CDYL2: variants seen among roughly 807,000 people sequenced by gnomAD.
CDYL2 encodes the protein chromodomain Y-like protein 2.
CDYL2 carries 23 observed loss-of-function variants against 49.4 expected under a neutral mutation model. That is an observed-to-expected ratio of 0.47 (90% CI 0.34 to 0.66). CDYL2 has a LOEUF of 0.66. Among genes scored for constraint, CDYL2 ranks in the 30% least tolerant of loss-of-function variants. The pLI is 0.01. For synonymous variants in CDYL2, 360 were observed against 268.8 expected (o/e 1.34, Z -3.32); for missense variants, 678 against 656.4 (o/e 1.03, Z -0.36).
intron 4 of CDYL2, among the ~76,000 whole-genome samples, chr16:80,614,289 C>G (rs1232031585): frequency 6.6e-6 from 1 of 152,210 alleles, no homozygotes; most frequent in Non-Finnish European, 1.5e-5. Context: ...GGCCAAGTCA[C>G]CAAGTGCTGG....
intron 1 of CDYL2, among the ~76,000 whole-genome samples, chr16:80,758,879 T>C (rs940734082): frequency 5.3e-5 from 8 of 151,752 alleles, no homozygotes; most frequent in Non-Finnish European, 1.0e-4. Flanking sequence ...AAATCAGAAA[T>C]ATTCTAAAAT....
chr16:80,656,368 CA>C (rs1908811570), intron 2 of CDYL2, among the ~76,000 whole-genome samples: 1 of 152,232 alleles, frequency 6.6e-6, no homozygotes, highest in Non-Finnish European at 1.5e-5. Context: ...CTGCTGAGCC[CA>C]AAAGCCAGGG....
At chr16:80,723,971 G>A (rs190340746) in intron 1 of CDYL2, among the ~76,000 whole-genome samples, 1 of 141,952 alleles carries the variant, frequency 7.0e-6, no homozygotes, top group East Asian at 2.0e-4. Flanking sequence ...AAAGAGGAGG[G>A]AGAGAGAGGA....
chr16:80,772,668 G>A (rs1353291784), intron 1 of CDYL2, among the ~76,000 whole-genome samples: 1 of 151,968 alleles, frequency 6.6e-6, no homozygotes, highest in African/African-American at 2.4e-5. Context: ...AGCCAGGATG[G>A]TCTCAATCTC....
intron 1 of CDYL2, among the ~76,000 whole-genome samples, chr16:80,746,221 G>T (rs1176585216): frequency 2.0e-5 from 3 of 152,136 alleles, no homozygotes. Flanking sequence ...AATGATGGGG[G>T]ACTAAAATCC....
At position 80,685,025 on chromosome 16, in the gene CDYL2, G is replaced by C; in HGVS notation, c.129C>G (p.His43Gln). The change falls in exon 2 of 7, where the codon CAC becomes CAG. Residue 43 changes from histidine to glutamine, a missense_variant. By Grantham distance (24) the His-to-Gln change is conservative. Around this residue, in one of 3 missense-constraint regions of CDYL2, gnomAD observed 478 missense variants for 427.0 expected, o/e 1.12. Transcript: ENST00000570137. Reference sequence around the variant, plus strand: ...TAAACTCCTCACAGTGCAAGAGGTGGTGCTCCGGCTCCCACGTGTCCTCGG... The same window carrying C: ...TAAACTCCTCACAGTGCAAGAGGTGCTGCTCCGGCTCCCACGTGTCCTCGG... ...GSTEDTWEPE[H>Q]HLLHCEEFID... 1.2e-6 allele frequency: 2 copies of C among 1,614,158 alleles called. No individual in the cohort carries two copies. The highest frequency in any genetic ancestry group is 1.7e-6 in the Non-Finnish European group (2 of 1,180,026).
At chr16:80,748,480 G>C (rs1259181719) in intron 1 of CDYL2, among the ~76,000 whole-genome samples, 1 of 108,846 alleles carries the variant, frequency 9.2e-6, no homozygotes, top group Non-Finnish European at 1.7e-5. Context: ...CTGCCCTCCA[G>C]CCTGGGCGAC....
chr16:80,605,346 A>G (rs1906282023), intron 6 of CDYL2, among the ~76,000 whole-genome samples: 1 of 148,330 alleles, frequency 6.7e-6, no homozygotes. Flanking sequence ...ACTATAATAT[A>G]TACATATTAT....
intron 1 of CDYL2, among the ~76,000 whole-genome samples, chr16:80,685,377 A>C (rs566726908): frequency 6.6e-6 from 1 of 152,314 alleles, no homozygotes; most frequent in South Asian, 2.1e-4. Flanking sequence ...GCTAGATGAC[A>C]CGCCCAGCTG....
In CDYL2 at chr16:80,620,787, C is replaced by G. The variant is rs142002683; in HGVS notation, c.983G>C (p.Ser328Thr). ...GRLSSDRRKESTRIAEAIRDF... is the reference protein window; with the variant it reads ...GRLSSDRRKETTRIAEAIRDF... ...CCTGATGGCTTCTGCAATCCGAGTGCTCTCCTTTCGCCGGTCGCTGGACAA... is the reference window on the plus strand; with the variant it reads ...CCTGATGGCTTCTGCAATCCGAGTGGTCTCCTTTCGCCGGTCGCTGGACAA... The change falls in exon 4 of 7, where the codon AGC becomes ACC. Residue 328 changes from serine (S) to threonine (T), a missense_variant. By Grantham distance (58) the Ser-to-Thr change is moderately conservative. This residue lies in a region of CDYL2 where 478 missense variants were observed against 427.0 expected (regional missense o/e 1.12). Transcript: ENST00000570137. The G allele has an allele frequency of 3.7e-6, 6 of 1,608,202 alleles. No homozygotes were observed. Among genetic ancestry groups the G allele is most frequent in the Admixed American group, 3.4e-5 (2 of 59,596 alleles).
At position 80,630,315 on chromosome 16, in the gene CDYL2, G is replaced by A. The variant is rs117530553; in HGVS notation, c.834+2704C>T. Among the ~76,000 whole-genome samples, 10 of 152,302 alleles carry A rather than the reference G, an allele frequency of 6.6e-5. No homozygotes were observed. The East Asian group carries it at 1.5e-3, about 23-fold the overall frequency. ...AGAACCTGTGCACCTTAAATCAGAC[G>A]AGCACAACATGTTTTCCATGATGAG... is the stretch of plus-strand genomic sequence containing the variant. On this transcript the variant is annotated intron_variant, in intron 3 of 6. Transcript: ENST00000570137.
At chr16:80,718,086 G>A (rs181938514) in intron 1 of CDYL2, among the ~76,000 whole-genome samples, 2 of 152,280 alleles carry the variant, frequency 1.3e-5, no homozygotes, top group East Asian at 1.9e-4. Context: ...AGCAACTGAG[G>A]TTCAGAAGGG....
intron 2 of CDYL2, among the ~76,000 whole-genome samples, chr16:80,654,447 C>A (rs1017404443): frequency 2.6e-5 from 4 of 152,198 alleles, no homozygotes; most frequent in Non-Finnish European, 4.4e-5. Flanking sequence ...AGCACAACAC[C>A]ATTCTGGTAA....
intron 3 of CDYL2, chr16:80,628,211 C>T (rs1907388736): frequency 6.6e-6 from 1 of 152,234 alleles, no homozygotes. Context: ...TGCATCTTGC[C>T]TTCTGTGTGA....
rs1906237447 is a variant in CDYL2, at chr16:80,604,398, T to A, written c.1511A>T (p.Tyr504Phe). 1.2e-6 allele frequency: 2 copies of A among 1,613,954 alleles called. No homozygotes were observed. Among genetic ancestry groups the A allele is most frequent in the African/African-American group, 1.3e-5 (1 of 74,920 alleles). The change falls in exon 7 of 7, where the codon TAT becomes TTT. Residue 504 changes from tyrosine to phenylalanine, a missense_variant. Tyr to Phe is a conservative substitution (Grantham distance 22, BLOSUM62 3). Coordinates refer to ENST00000570137, the MANE Select transcript of CDYL2 (RefSeq NM_152342.4). ...SLFSYLQDKI[Y>F]EV ...GTGAGCTGGGGCCCCTCAGACTTCA[T>A]AAATTTTGTCCTGCAGGTAGCTGAA...
intron 2 of CDYL2, among the ~76,000 whole-genome samples, chr16:80,660,836 G>A (rs897394829): frequency 1.3e-5 from 2 of 152,162 alleles, no homozygotes; most frequent in Non-Finnish European, 2.9e-5. Flanking sequence ...AAGAAATGGT[G>A]CACAGTGGTC....
chr16:80,607,310 G>A (rs548116349), intron 6 of CDYL2, among the ~76,000 whole-genome samples: 1 of 151,910 alleles, frequency 6.6e-6, no homozygotes, highest in Non-Finnish European at 1.5e-5. Flanking sequence ...GGTGCCAACA[G>A]TCAGGGATGA....
At chr16:80,689,468 G>A (rs1385725662) in intron 1 of CDYL2, among the ~76,000 whole-genome samples, 1 of 152,214 alleles carries the variant, frequency 6.6e-6, no homozygotes, top group East Asian at 1.9e-4. Flanking sequence ...CTGAGGCTCA[G>A]AGAAGGTAGG....
At chr16:80,672,529 AAAAGGAAAAGGAAAGGAAAGG>A (rs1909563159) in intron 2 of CDYL2, among the ~76,000 whole-genome samples, 3 of 116,908 alleles carry the variant, frequency 2.6e-5, no homozygotes, top group Non-Finnish European at 3.7e-5. Context: ...AAAGCAAAGG[AAAAGGAAAAGGAAAGGAAAGG>A]AAAGGAAAGG....
Sources: gnomAD v4.1 joint callset for allele counts (sites outside exome capture counted in the v4.1 genomes callset) on GRCh38, gnomAD v4.1.1 for gene constraint, gnomAD v4.1.1 regional missense constraint, MANE v1.5 for transcripts, NCBI Gene and HGNC (gene_info 2026-07-23, HGNC 2026-07-21) for gene names.